Variants in DNAH12 observed in about 807,000 individuals in gnomAD.
DNAH12 encodes axonemal beta dynein heavy chain 12.
Under a neutral mutation model 371.5 loss-of-function variants are expected in DNAH12, and 285 were observed. The ratio of observed to expected loss-of-function variants is 0.77; its 90% CI spans 0.70 to 0.85. The LOEUF is 0.85. DNAH12 is among the 40% of genes least tolerant of loss of function. The pLI, the probability that DNAH12 is intolerant of heterozygous loss-of-function variation, is 0.00. For synonymous variants in DNAH12, 1,200 were observed against 1,213.0 expected (o/e 0.99, Z 0.22); for missense variants, 3,611 against 3,689.4 (o/e 0.98, Z 0.55).
At chr3:57,301,670 T>C (rs2061347751) in intron 70 of DNAH12, 65 bp downstream of exon 70, 1 of 1,469,610 alleles carries the variant, frequency 6.8e-7, no homozygotes, top group African/African-American at 1.6e-5. Flanking sequence ...TATTTATACA[T>C]GTATTTTACA....
chr3:57,309,113 C>CAGTT lies in DNAH12; in HGVS notation c.11189+34_11189+37dup, dbSNP rs1447095812. ...TATTTTTCTTATTAATATAAGAAGA[C>CAGTT]AGTTGCCTTCTGAATCACTGGGGAT... is the stretch of plus-strand genomic sequence containing the variant. On this transcript the variant is annotated intron_variant, in intron 69 of 73. Coordinates refer to ENST00000495027, the MANE Select transcript of DNAH12 (RefSeq NM_001366028.2). 4 of 1,427,378 alleles carry CAGTT rather than the reference C, an allele frequency of 2.8e-6. No homozygotes were observed. The South Asian group carries it at 5.5e-5, about 20-fold the overall frequency. 88.4% of individuals were successfully genotyped at this position (1,427,378 alleles called of 1,614,324 possible).
chr3:57,437,097 A>G (rs4234394), intron 29 of DNAH12, 37 bp from the exon 30 acceptor site: 641,435 of 1,273,826 alleles, frequency 0.5, 163,036 homozygotes, highest in Middle Eastern at 0.58. Flanking sequence ...CTACAACACA[A>G]TATTATAAAT....
At chr3:57,434,724 G>C (rs1051479718) in intron 30 of DNAH12, among the ~76,000 whole-genome samples, 1 of 152,134 alleles carries the variant, frequency 6.6e-6, no homozygotes, top group Non-Finnish European at 1.5e-5. Flanking sequence ...TTTGGTAAAT[G>C]TATTCCTTGA....
chr3:57,553,473 G>A, the DNAH12 span, among the ~76,000 whole-genome samples: 2 of 152,132 alleles, frequency 1.3e-5, no homozygotes, highest in Admixed American at 1.3e-4. Flanking sequence ...ACATGATAAG[G>A]ATGCAGAGTT....
At chr3:57,528,869 C>T (rs1005525324) in intron 2 of DNAH12, among the ~76,000 whole-genome samples, 2 of 151,540 alleles carry the variant, frequency 1.3e-5, no homozygotes, top group African/African-American at 2.4e-5. Flanking sequence ...GCATGATCTT[C>T]GCTCACTGTA....
chr3:57,313,135 T>C lies in DNAH12; in HGVS notation c.10662+1359A>G, dbSNP rs369248194. Among the ~76,000 whole-genome samples, 91 of 152,310 alleles carry C rather than the reference T, an allele frequency of 6.0e-4. 1 individual carries two copies. The highest frequency in any genetic ancestry group is 2.1e-3 in the African/African-American group (86 of 41,566). On this transcript the variant is annotated intron_variant, in intron 66 of 73. Coordinates refer to ENST00000495027, the MANE Select transcript of DNAH12 (RefSeq NM_001366028.2). The stretch of plus-strand genomic sequence containing the variant: ...TTGTGTGAAAGGCCAGCTACTCACT[T>C]TCCCAAGCTCCCTTACAGCTAAAGC...
At chr3:57,450,250 T>TTAAAAAAA (rs559886102) in intron 25 of DNAH12, among the ~76,000 whole-genome samples, 1 of 98,580 alleles carries the variant, frequency 1.0e-5, no homozygotes, top group Non-Finnish European at 2.0e-5. Context: ...TGTCTCAATT[T>TTAAAAAAA]AAAAAAAAAA....
chr3:57,453,502 AATCT>A (rs1329474468), intron 23 of DNAH12, 99 bp from the exon 24 acceptor site: 1 of 1,067,372 alleles, frequency 9.4e-7, no homozygotes, highest in Non-Finnish European at 1.3e-6. Context: ...CTGACTTCTT[AATCT>A]ATCTCAATAT....
At chr3:57,439,786 C>T (rs1274968067) in intron 29 of DNAH12, among the ~76,000 whole-genome samples, 1 of 151,944 alleles carries the variant, frequency 6.6e-6, no homozygotes, top group African/African-American at 2.4e-5. Flanking sequence ...ACAAATTATG[C>T]ATCCAGCAAA....
intron 52 of DNAH12, among the ~76,000 whole-genome samples, chr3:57,377,583 C>T (rs1351376588): frequency 2.0e-5 from 3 of 151,290 alleles, no homozygotes; most frequent in African/African-American, 7.3e-5. Context: ...TGTTTAAACA[C>T]ATGAATATGT....
At position 57,325,736 on chromosome 3, in the gene DNAH12, G is replaced by C. The variant is rs1296773344; in HGVS notation, c.9979-2117C>G. On this transcript the variant is annotated intron_variant, in intron 62 of 73. Coordinates refer to ENST00000495027, the MANE Select transcript of DNAH12 (RefSeq NM_001366028.2). The stretch of plus-strand genomic sequence containing the variant: ...GCTGGACGGAGAGTGACTTTGACGA[G>C]TTGAGAGAAGAAGGCTTCAGACAAT... Among the ~76,000 whole-genome samples the C allele has an allele frequency of 2.6e-5, 4 of 152,346 alleles. 1 individual carries two copies. In the South Asian group the frequency reaches 6.2e-4, roughly 24 times the overall value.
intron 65 of DNAH12, among the ~76,000 whole-genome samples, chr3:57,321,367 A>G (rs1384081726): frequency 1.3e-5 from 2 of 152,194 alleles, no homozygotes; most frequent in South Asian, 2.1e-4. Flanking sequence ...TTTACCTTCA[A>G]TATCATTTTT....
intron 50 of DNAH12, among the ~76,000 whole-genome samples, chr3:57,381,920 T>G (rs2063401077): frequency 6.6e-6 from 1 of 151,414 alleles, no homozygotes; most frequent in Non-Finnish European, 1.5e-5. Flanking sequence ...CAGGCTGGAG[T>G]GCAGTGGCAC....
intron 2 of DNAH12, among the ~76,000 whole-genome samples, chr3:57,542,155 T>TGGGGGGGG (rs35978339): frequency 1.2e-5 from 1 of 82,332 alleles, no homozygotes; most frequent in African/African-American, 7.3e-5. Flanking sequence ...TCCACTAAAC[T>TGGGGGGGG]GGGGGGGGGG....
chr3:57,464,138 G>C (rs942201559), intron 17 of DNAH12, among the ~76,000 whole-genome samples: 2 of 152,004 alleles, frequency 1.3e-5, no homozygotes, highest in African/African-American at 2.4e-5. Context: ...TCCCTAGCAG[G>C]AGACCTGCCC....
At chr3:57,436,818 G>T in intron 30 of DNAH12, 133 bp downstream of exon 30, 1 of 579,798 alleles carries the variant, frequency 1.7e-6, no homozygotes, top group Non-Finnish European at 2.9e-6. Flanking sequence ...TAAGCCACTG[G>T]GGGGCCAGGG....
At chr3:57,304,953 C>G (rs576263558) in intron 69 of DNAH12, among the ~76,000 whole-genome samples, 1 of 152,192 alleles carries the variant, frequency 6.6e-6, no homozygotes, top group Non-Finnish European at 1.5e-5. Flanking sequence ...TCCATTCCTC[C>G]TTTTTCTCCC....
intron 69 of DNAH12, among the ~76,000 whole-genome samples, chr3:57,307,641 T>A (rs968797756): frequency 2.6e-5 from 4 of 152,162 alleles, no homozygotes; most frequent in African/African-American, 9.7e-5. Context: ...ACCTGACACA[T>A]ACACTTTCTG....
intron 60 of DNAH12, among the ~76,000 whole-genome samples, chr3:57,337,492 T>C (rs2062254512): frequency 6.6e-6 from 1 of 152,144 alleles, no homozygotes; most frequent in African/African-American, 2.4e-5. Flanking sequence ...AAACCCTGTT[T>C]CTAATAAAAA....
Sources: allele counts gnomAD v4.1 joint callset (sites outside exome capture counted in the v4.1 genomes callset), GRCh38; gene constraint gnomAD v4.1.1; transcripts MANE v1.5; gene names NCBI Gene and HGNC (gene_info 2026-07-23, HGNC 2026-07-21).